IFT57: variants seen among roughly 807,000 people sequenced by gnomAD.
IFT57 encodes the protein intraflagellar transport protein 57 homolog.
In IFT57, 59 loss-of-function variants were observed where a neutral mutation model predicts 56.8. The ratio of observed to expected loss-of-function variants is 1.04; its 90% CI spans 0.84 to 1.29. IFT57 has a LOEUF of 1.29. Ranked by LOEUF, IFT57 falls within the 50% of genes most tolerant of loss-of-function variation. The pLI, the probability that IFT57 is intolerant of heterozygous loss-of-function variation, is 0.00. For synonymous variants in IFT57, 209 were observed against 186.1 expected, an observed-to-expected ratio of 1.12 and a Z score of -1.00; for missense variants, 470 against 522.1, an observed-to-expected ratio of 0.90 and a Z score of 0.97.
chr3:108,195,587 T>C (rs1203105848), intron 5 of IFT57, among the ~76,000 whole-genome samples: 1 of 152,070 alleles, frequency 6.6e-6, no homozygotes. Context: ...GATCAAGGGA[T>C]GAATGGATAA....
intron 5 of IFT57, 91 bp downstream of exon 5, chr3:108,206,537 A>G (rs1216236606): frequency 5.9e-6 from 3 of 510,774 alleles, no homozygotes; most frequent in Non-Finnish European, 1.0e-5. Context: ...ATACAAAACA[A>G]TGGCCAACAA....
chr3:108,216,541 A>C (rs558782382), intron 3 of IFT57, among the ~76,000 whole-genome samples: 1 of 152,344 alleles, frequency 6.6e-6, no homozygotes, highest in African/African-American at 2.4e-5. Flanking sequence ...GTAAATTATT[A>C]GTACAGACAC....
At chr3:108,215,668 C>A (rs369926500) in intron 3 of IFT57, among the ~76,000 whole-genome samples, 1 of 151,986 alleles carries the variant, frequency 6.6e-6, no homozygotes, top group Non-Finnish European at 1.5e-5. Flanking sequence ...AATTAGAATT[C>A]GAAAATATCT....
rs766958540 is a variant in IFT57, at chr3:108,197,585, A to C, written c.655-5942T>G. On this transcript the variant is annotated intron_variant, in intron 5 of 10. Coordinates refer to ENST00000264538, the MANE Select transcript of IFT57 (RefSeq NM_018010.4). ...TCAAAGAAAGGCTATGTTCTGTAAAAATATACATGAGATGGCAACTTCATG... is the reference window on the plus strand; with the variant it reads ...TCAAAGAAAGGCTATGTTCTGTAAACATATACATGAGATGGCAACTTCATG... Among the ~76,000 whole-genome samples the C allele has an allele frequency of 7.2e-4, 110 of 152,204 alleles. 3 individuals are homozygous for C. The highest frequency in any genetic ancestry group is 1.6e-4 in the Non-Finnish European group (11 of 68,044).
At chr3:108,219,176 G>A (rs2080390790) in intron 2 of IFT57, among the ~76,000 whole-genome samples, 1 of 151,400 alleles carries the variant, frequency 6.6e-6, no homozygotes, top group African/African-American at 2.4e-5. Context: ...TTACCTCTCA[G>A]ATATATCAAG....
chr3:108,177,731 TA>T (rs2080131663), intron 6 of IFT57, among the ~76,000 whole-genome samples: 1 of 151,760 alleles, frequency 6.6e-6, no homozygotes, highest in East Asian at 1.9e-4. Context: ...AGGATATTTC[TA>T]AAAGACATAA....
intron 6 of IFT57, among the ~76,000 whole-genome samples, chr3:108,178,713 G>A (rs1252669920): frequency 6.6e-6 from 1 of 151,758 alleles, no homozygotes; most frequent in Non-Finnish European, 1.5e-5. Flanking sequence ...CTACCACAAT[G>A]ATTAAAATAA....
chr3:108,162,709 T>C (rs2080040773), intron 10 of IFT57, 54 bp from the exon 11 acceptor site: 1 of 1,335,654 alleles, frequency 7.5e-7, no homozygotes, highest in South Asian at 1.8e-5. Context: ...TATCAGTGTA[T>C]TACAGAATTG....
At chr3:108,181,882 T>C (rs946551456) in intron 6 of IFT57, among the ~76,000 whole-genome samples, 1 of 152,104 alleles carries the variant, frequency 6.6e-6, no homozygotes, top group African/African-American at 2.4e-5. Flanking sequence ...CTTGTTTTTC[T>C]TTAAATTACG....
At chr3:108,213,238 TG>T (rs2080352715) in intron 4 of IFT57, among the ~76,000 whole-genome samples, 1 of 152,164 alleles carries the variant, frequency 6.6e-6, no homozygotes, top group African/African-American at 2.4e-5. Context: ...TTCAACTGTG[TG>T]GGGGCCGATG....
intron 5 of IFT57, among the ~76,000 whole-genome samples, chr3:108,199,751 G>C (rs1183348459): frequency 6.6e-6 from 1 of 152,152 alleles, no homozygotes; most frequent in Non-Finnish European, 1.5e-5. Flanking sequence ...AAACATGCTA[G>C]TTATGTTTTA....
At chr3:108,205,749 A>G (rs1421819554) in intron 5 of IFT57, among the ~76,000 whole-genome samples, 1 of 144,448 alleles carries the variant, frequency 6.9e-6, no homozygotes, top group Non-Finnish European at 1.5e-5. Flanking sequence ...TGATTAATAT[A>G]TAACATATTA....
intron 6 of IFT57, among the ~76,000 whole-genome samples, chr3:108,178,449 T>C (rs907842317): frequency 6.6e-6 from 1 of 151,974 alleles, no homozygotes; most frequent in African/African-American, 2.4e-5. Context: ...ATATTAAAGT[T>C]AAGTCACTGT....
In IFT57 at chr3:108,221,900, T is replaced by C. The variant is rs1461064785; in HGVS notation, c.212+211A>G. The C allele has an allele frequency of 4.9e-6, 5 of 1,016,182 alleles. No homozygotes were observed. The East Asian group carries it at 1.1e-4, about 23-fold the overall frequency. 62.9% of individuals were successfully genotyped at this position (1,016,182 alleles called of 1,614,324 possible). A position where few individuals can be genotyped will look rare whatever the true frequency, so the allele number is the denominator to read the frequency against. On this transcript the variant is annotated intron_variant, in intron 1 of 10. Coordinates refer to ENST00000264538, the MANE Select transcript of IFT57 (RefSeq NM_018010.4). ...CGATCCTTTCTGCCGTTCCAAAACT[T>C]ATTTATTCTCTCTACAAAAATACCA...
intron 6 of IFT57, among the ~76,000 whole-genome samples, chr3:108,186,594 C>T (rs1296815465): frequency 6.6e-6 from 1 of 152,092 alleles, no homozygotes; most frequent in Non-Finnish European, 1.5e-5. Flanking sequence ...AAAAATTAAA[C>T]CAAATTGCGG....
chr3:108,202,956 G>T (rs1023372453), intron 5 of IFT57, among the ~76,000 whole-genome samples: 17 of 152,262 alleles, frequency 1.1e-4, no homozygotes, highest in African/African-American at 4.1e-4. Context: ...ATGGGCAGAT[G>T]GTATCTCTTT....
chr3:108,210,543 G>A (rs1270176045), intron 4 of IFT57, among the ~76,000 whole-genome samples: 2 of 151,894 alleles, frequency 1.3e-5, no homozygotes, highest in Non-Finnish European at 2.9e-5. Flanking sequence ...ATGTTAGCCA[G>A]GCTAATCTCA....
chr3:108,215,422 G>A (rs1244281661), intron 3 of IFT57, among the ~76,000 whole-genome samples: 1 of 152,060 alleles, frequency 6.6e-6, no homozygotes, highest in Non-Finnish European at 1.5e-5. Context: ...AATTAGCTGG[G>A]AGTGGTGGTG....
intron 3 of IFT57, among the ~76,000 whole-genome samples, chr3:108,215,841 A>G (rs373495990): frequency 6.6e-6 from 1 of 152,176 alleles, no homozygotes; most frequent in African/African-American, 2.4e-5. Flanking sequence ...CATAGTCCTT[A>G]TAAGTTATCC....
Sources: allele counts gnomAD v4.1 joint callset (sites outside exome capture counted in the v4.1 genomes callset), GRCh38; gene constraint gnomAD v4.1.1; transcripts MANE v1.5; gene names NCBI Gene and HGNC (gene_info 2026-07-23, HGNC 2026-07-21).